Variants in HS3ST3A1 observed in about 807,000 individuals in gnomAD.
HS3ST3A1 encodes heparan sulfate glucosamine 3-O-sulfotransferase 3A1.
HS3ST3A1 carries 19 observed loss-of-function variants against 25.7 expected under a neutral mutation model. That is an observed-to-expected ratio of 0.74 (90% CI 0.52 to 1.08). The LOEUF (loss-of-function observed/expected upper bound fraction) is 1.08, where lower values mean the gene tolerates loss of function less well. Among genes scored for constraint, HS3ST3A1 ranks in the 50% least tolerant of loss-of-function variants. The probability of loss-of-function intolerance (pLI) is 0.00; values close to 1 mark genes in which losing one functional copy is unlikely to be tolerated. For missense variants in HS3ST3A1, 459 were observed against 594.3 expected, an observed-to-expected ratio of 0.77 and a Z score of 2.37; for synonymous variants, 226 against 278.6, an observed-to-expected ratio of 0.81 and a Z score of 1.88.
chr17:13,516,320 A>AT (rs1230709961), intron 1 of HS3ST3A1, among the ~76,000 whole-genome samples: 11 of 151,840 alleles, frequency 7.2e-5, no homozygotes, highest in Admixed American at 2.0e-4. Context: ...AAAAAAATAA[A>AT]AAAATAAATA....
rs776785481 is a variant in HS3ST3A1, at chr17:13,496,224, G to T, written c.1194C>A (p.Thr398=). 6 of 1,598,332 alleles carry T rather than the reference G, an allele frequency of 3.8e-6. No homozygotes were observed. In the Admixed American group the frequency reaches 1.1e-4, roughly 28 times the overall value. The change falls in exon 2 of 2, where the codon ACC becomes ACA. Residue 398 remains threonine, a synonymous_variant. Coordinates refer to ENST00000284110, the MANE Select transcript of HS3ST3A1 (RefSeq NM_006042.3). The part of the protein sequence containing the change: ...RPFNLKFYQM[T]GHDFGWDG ...ATCCATCCCAGCCAAAGTCGTGCCC[G>T]GTCATCTGGTAGAACTTGAGGTTGA...
intron 1 of HS3ST3A1, among the ~76,000 whole-genome samples, chr17:13,567,719 A>T (rs1424045186): frequency 6.6e-6 from 1 of 152,230 alleles, no homozygotes; most frequent in African/African-American, 2.4e-5. Flanking sequence ...CAAGAACTAG[A>T]CTTAAAAGTG....
In HS3ST3A1 at chr17:13,560,083, AGTTC is replaced by A. The variant is rs375165116; in HGVS notation, c.599+40444_599+40447del. The stretch of plus-strand genomic sequence containing the variant: ...GGCAGGCAGATCACCTGAGGTCAGG[AGTTC>A]AAGACCAGCCTGGCCAACATGGTGA... On this transcript the variant is annotated intron_variant, in intron 1 of 1. Coordinates refer to ENST00000284110, the MANE Select transcript of HS3ST3A1 (RefSeq NM_006042.3). Among the ~76,000 whole-genome samples, 248 of 151,862 alleles carry A rather than the reference AGTTC, an allele frequency of 1.6e-3. 1 individual carries two copies. The highest frequency in any genetic ancestry group is 5.3e-3 in the African/African-American group (219 of 41,426).
chr17:13,578,093 T>C lies in HS3ST3A1; in HGVS notation c.599+22438A>G, dbSNP rs1598431436. Among the ~76,000 whole-genome samples the C allele has an allele frequency of 2.6e-5, 4 of 152,272 alleles. No homozygotes were observed. In the South Asian group the frequency reaches 8.3e-4, roughly 32 times the overall value. ...TAAGAAAATAATGATAGGTGAGCAT[T>C]AAAGATTTAGTTACAAGGAGTCCAC... On this transcript the variant is annotated intron_variant, in intron 1 of 1. Coordinates refer to ENST00000284110, the MANE Select transcript of HS3ST3A1 (RefSeq NM_006042.3).
chr17:13,519,829 C>T (rs994502373), intron 1 of HS3ST3A1, among the ~76,000 whole-genome samples: 10 of 152,052 alleles, frequency 6.6e-5, no homozygotes, highest in African/African-American at 2.2e-4. Flanking sequence ...ATTGCTCACC[C>T]CACATTAAGC....
At chr17:13,594,135 G>T (rs2142395653) in intron 1 of HS3ST3A1, among the ~76,000 whole-genome samples, 1 of 152,262 alleles carries the variant, frequency 6.6e-6, no homozygotes, top group East Asian at 1.9e-4. Context: ...CGGATTTGGG[G>T]GAAGATTACC....
At chr17:13,587,322 C>T (rs149671994) in intron 1 of HS3ST3A1, among the ~76,000 whole-genome samples, 3 of 152,160 alleles carry the variant, frequency 2.0e-5, no homozygotes, top group Non-Finnish European at 2.9e-5. Flanking sequence ...GGTGTGGTGG[C>T]GTGCGCCTGT....
At chr17:13,594,486 T>C (rs1908521239) in intron 1 of HS3ST3A1, among the ~76,000 whole-genome samples, 2 of 152,080 alleles carry the variant, frequency 1.3e-5, no homozygotes, top group Non-Finnish European at 2.9e-5. Flanking sequence ...AATGACAGGA[T>C]CCTCCTCCAG....
intron 1 of HS3ST3A1, among the ~76,000 whole-genome samples, chr17:13,589,442 T>C (rs1908361410): frequency 6.6e-6 from 1 of 152,158 alleles, no homozygotes; most frequent in Non-Finnish European, 1.5e-5. Context: ...CTTTCCATCA[T>C]TAAACCCTAG....
At chr17:13,547,196 T>C (rs1319212065) in intron 1 of HS3ST3A1, among the ~76,000 whole-genome samples, 1 of 152,174 alleles carries the variant, frequency 6.6e-6, no homozygotes, top group East Asian at 1.9e-4. Flanking sequence ...ATGTCTTTCC[T>C]TTTAAAGTCC....
At chr17:13,561,048 G>T (rs981129319) in intron 1 of HS3ST3A1, among the ~76,000 whole-genome samples, 11 of 152,136 alleles carry the variant, frequency 7.2e-5, no homozygotes, top group African/African-American at 2.7e-4. Context: ...TCAGCCAGAG[G>T]CCTCCATTCC....
rs147612175 is a variant in HS3ST3A1 at position 13,532,157 on chromosome 17, C to T, written c.600-35339G>A. 5.1e-3 allele frequency among the ~76,000 whole-genome samples: 782 copies of T among 152,218 alleles called. 6 individuals are homozygous for T. Among genetic ancestry groups the T allele is most frequent in the Middle Eastern group, 0.041 (12 of 294 alleles). ...GGGGAGAAGCCACGGACTTAGTTCA[C>T]CAATGACTTCTCTGGCAGTTCTGTT... On this transcript the variant is annotated intron_variant, in intron 1 of 1. Transcript: ENST00000284110.
chr17:13,495,189 G>T lies in HS3ST3A1; in HGVS notation c.*1008C>A, dbSNP rs529193278. Among the ~76,000 whole-genome samples the T allele has an allele frequency of 2.6e-5, 4 of 151,390 alleles. No individual in the cohort carries two copies. Among genetic ancestry groups the T allele is most frequent in the South Asian group, 2.1e-4 (1 of 4,788 alleles). On this transcript the variant is annotated 3_prime_UTR_variant, in exon 2 of 2. Transcript: ENST00000284110. ...TTAAATCAACAAATGGGTAAGTTACGTTCCTAACACATCTTGTGCTACCCC... is the reference window on the plus strand; with the variant it reads ...TTAAATCAACAAATGGGTAAGTTACTTTCCTAACACATCTTGTGCTACCCC...
At chr17:13,580,755 G>A (rs1374601335) in intron 1 of HS3ST3A1, among the ~76,000 whole-genome samples, 3 of 152,100 alleles carry the variant, frequency 2.0e-5, no homozygotes, top group Admixed American at 1.3e-4. Flanking sequence ...GCCGGACGTG[G>A]TGACACATGC....
intron 1 of HS3ST3A1, among the ~76,000 whole-genome samples, chr17:13,553,410 G>A (rs993717038): frequency 1.3e-5 from 2 of 152,146 alleles, no homozygotes; most frequent in Non-Finnish European, 1.5e-5. Context: ...AGCCATCATT[G>A]CACTGGCAGC....
At chr17:13,516,801 C>T (rs1034150467) in intron 1 of HS3ST3A1, among the ~76,000 whole-genome samples, 1 of 152,180 alleles carries the variant, frequency 6.6e-6, no homozygotes, top group African/African-American at 2.4e-5. Context: ...GGTCTAGTGC[C>T]TCAGCTTCCC....
intron 1 of HS3ST3A1, among the ~76,000 whole-genome samples, chr17:13,563,174 G>A (rs947512282): frequency 6.6e-6 from 1 of 151,622 alleles, no homozygotes; most frequent in Non-Finnish European, 1.5e-5. Context: ...ACCCCATTTG[G>A]AAAAAGGGAC....
Position 13,506,078 on chromosome 17 carries a change from CTT to C in HS3ST3A1, c.600-9262_600-9261del, listed in dbSNP as rs577292327. 7.6e-4 allele frequency among the ~76,000 whole-genome samples: 90 copies of C among 119,038 alleles called. 1 individual carries two copies. Among genetic ancestry groups the C allele is most frequent in the African/African-American group, 1.4e-3 (45 of 32,512 alleles). The allele number at this position is 119,038 out of a possible 152,430, so 78.1% of individuals were successfully genotyped here. A position where few individuals can be genotyped will look rare whatever the true frequency, so the allele number is the denominator to read the frequency against. On this transcript the variant is annotated intron_variant, in intron 1 of 1. Transcript: ENST00000284110. ...TTCTGTTTCAGTAGAGTTGGAGTTACTTTTTTTTTTTTTTTTTTAAAGTTAGG... is the reference window on the plus strand; with the variant it reads ...TTCTGTTTCAGTAGAGTTGGAGTTACTTTTTTTTTTTTTTTTAAAGTTAGG...
intron 1 of HS3ST3A1, among the ~76,000 whole-genome samples, chr17:13,563,834 A>T (rs1406667080): frequency 6.6e-6 from 1 of 152,186 alleles, no homozygotes; most frequent in Admixed American, 6.5e-5. Flanking sequence ...ACGTTTCTGT[A>T]CTTTTTAAAT....
Sources: gnomAD v4.1 joint callset for allele counts (sites outside exome capture counted in the v4.1 genomes callset) on GRCh38, gnomAD v4.1.1 for gene constraint, MANE v1.5 for transcripts, NCBI Gene and HGNC (gene_info 2026-07-23, HGNC 2026-07-21) for gene names.